The following UTP6 variants were observed in gnomAD, a reference collection of about 807,000 sequenced individuals.
The protein encoded by UTP6 is U3 small nucleolar RNA-associated protein 6 homolog.
A neutral mutation model predicts 96.5 loss-of-function variants in UTP6; 60 were observed. That is an observed-to-expected ratio of 0.62 (90% CI 0.51 to 0.77). The LOEUF is 0.77. Among genes scored for constraint, UTP6 ranks in the 30% least tolerant of loss-of-function variants. The probability of loss-of-function intolerance (pLI) is 0.00; values close to 1 mark genes in which losing one functional copy is unlikely to be tolerated. For synonymous variants in UTP6, 215 were observed against 240.1 expected (o/e 0.90, Z 0.96); for missense variants, 637 against 706.5 (o/e 0.90, Z 1.12).
rs139107049 is a variant in UTP6 at position 31,899,709 on chromosome 17, G to C, written c.114C>G (p.Ser38=). The change falls in exon 2 of 19, where the codon TCC becomes TCG. Residue 38 remains serine, a synonymous_variant. Transcript: ENST00000261708. ...AEIKAIIKKA[S]DLEYKIQRRT... The stretch of plus-strand genomic sequence containing the variant: ...TTCTCTGGATTTTGTACTCTAGATC[G>C]GAAGCCTTCTTAATGATAGCCCTGA... The C allele has an allele frequency of 3.4e-4, 536 of 1,598,036 alleles. 1 individual carries two copies. The highest frequency in any genetic ancestry group is 2.3e-5 in the Non-Finnish European group (27 of 1,172,008).
intron 1 of UTP6, among the ~76,000 whole-genome samples, chr17:31,900,108 C>T (rs1411069448): frequency 6.6e-6 from 1 of 151,976 alleles, no homozygotes; most frequent in Non-Finnish European, 1.5e-5. Flanking sequence ...CGCGCCACTG[C>T]CCTCTGGCCT....
At chr17:31,884,757 A>G (rs1443370495) in intron 9 of UTP6, 2 of 366,386 alleles carry the variant, frequency 5.5e-6, no homozygotes, top group African/African-American at 2.1e-5. Flanking sequence ...TAATTACTCC[A>G]TGAGAACTTA....
intron 2 of UTP6, among the ~76,000 whole-genome samples, 198 bp from the exon 3 acceptor site, chr17:31,895,209 C>G (rs891060865): frequency 6.6e-6 from 1 of 152,194 alleles, no homozygotes; most frequent in African/African-American, 2.4e-5. Context: ...AATTAACAAG[C>G]TTATAATTAC....
At chr17:31,899,589 C>T in intron 2 of UTP6, 57 bp downstream of exon 2, 1 of 1,338,448 alleles carries the variant, frequency 7.5e-7, no homozygotes, top group Non-Finnish European at 1.0e-6. Flanking sequence ...AGTGAGATGC[C>T]ATCTCACCAA....
chr17:31,873,980 G>GC (rs1173587382), intron 14 of UTP6: 10 of 473,486 alleles, frequency 2.1e-5, no homozygotes, highest in Non-Finnish European at 3.3e-5. Context: ...AATTCTCATT[G>GC]CCCAGCAGGA....
intron 6 of UTP6, among the ~76,000 whole-genome samples, chr17:31,891,834 C>T (rs1285137809): frequency 6.6e-6 from 1 of 152,126 alleles, no homozygotes; most frequent in African/African-American, 2.4e-5. Flanking sequence ...ACCAGCCTGA[C>T]CAACGTGGTA....
chr17:31,882,546 C>T (rs1235867464), intron 10 of UTP6, among the ~76,000 whole-genome samples: 1 of 152,198 alleles, frequency 6.6e-6, no homozygotes, highest in African/African-American at 2.4e-5. Flanking sequence ...ATCTCAATCT[C>T]TTGACCTCAA....
At chr17:31,878,632 A>G in intron 12 of UTP6, 70 bp downstream of exon 12, 1 of 1,422,904 alleles carries the variant, frequency 7.0e-7, no homozygotes. Context: ...ACACCAAAAG[A>G]TCTGTGCTTC....
rs572461469 is a variant in UTP6, at chr17:31,868,099, G to A, written c.1510C>T (p.Arg504Ter). ...CTGAAAAAGTCAACTGAAAATGGTCGGCTCTCCTGTAAACTAAAAAGGAAG... is the reference window on the plus strand; with the variant it reads ...CTGAAAAAGTCAACTGAAAATGGTCAGCTCTCCTGTAAACTAAAAAGGAAG... ...RAVFKSLQES[R>*]PFSVDFFRKM... The change falls in exon 17 of 19, where the codon CGA becomes TGA. Residue 504 changes from arginine to a stop codon, truncating the protein, a stop_gained. Transcript: ENST00000261708. LOFTEE classifies it high-confidence loss of function. 6.8e-6 allele frequency: 11 copies of A among 1,612,868 alleles called. No individual in the cohort carries two copies. The highest frequency in any genetic ancestry group is 4.0e-5 in the African/African-American group (3 of 74,922).
intron 16 of UTP6, among the ~76,000 whole-genome samples, chr17:31,870,543 A>T (rs1598096123): frequency 1.4e-5 from 2 of 142,020 alleles, no homozygotes; most frequent in Admixed American, 7.2e-5. Flanking sequence ...TTTTTTTGAG[A>T]CGGAGTCTTG....
Position 31,897,443 on chromosome 17 carries a change from C to CTTT in UTP6, c.177+2200_177+2202dup, listed in dbSNP as rs397857995. Among the ~76,000 whole-genome samples, 271 of 103,190 alleles carry CTTT rather than the reference C, an allele frequency of 2.6e-3. 4 individuals carry two copies. The highest frequency in any genetic ancestry group is 3.9e-3 in the African/African-American group (107 of 27,534). 67.7% of individuals were successfully genotyped at this position (103,190 alleles called of 152,430 possible). On this transcript the variant is annotated intron_variant, in intron 2 of 18. Coordinates refer to ENST00000261708, the MANE Select transcript of UTP6 (RefSeq NM_018428.3). ...TAAATCTAAGCTCAAAACTTCTAGT[C>CTTT]TTTTTTTTTTTTTTTTTTTTTGAGA...
At position 31,901,545 on chromosome 17, in the gene UTP6, G is replaced by C. The variant is rs542176758; in HGVS notation, c.83C>G (p.Ala28Gly). 4.5e-5 allele frequency: 72 copies of C among 1,613,716 alleles called. No individual in the cohort carries two copies. The Admixed American group carries it at 1.2e-3, about 27-fold the overall frequency. Residue 28 changes from alanine (A) to glycine (G), a missense_variant, in exon 1 of 19, where the codon GCG (alanine) becomes GGG (glycine). Transcript: ENST00000261708. ...CCCAACCCTCTCTCACTTAATCTCC[G>C]CATGACTGAACAGTCCAATGCGCTC... ...QLERIGLFSH[A>G]EIKAIIKKAS...
At chr17:31,901,415 G>A in intron 1 of UTP6, 121 bp downstream of exon 1, 2 of 880,258 alleles carry the variant, frequency 2.3e-6, no homozygotes, top group Non-Finnish European at 3.6e-6. Flanking sequence ...CGAGAAATGG[G>A]CTTCCACCAC....
At chr17:31,868,148 G>A (rs768208906) in intron 16 of UTP6, 36 bp from the exon 17 acceptor site, 4 of 1,588,086 alleles carry the variant, frequency 2.5e-6, no homozygotes, top group Non-Finnish European at 3.4e-6. Context: ...CTTCAACAAT[G>A]ACAAAAAGCC....
At chr17:31,872,180 G>A (rs1284666509) in intron 16 of UTP6, among the ~76,000 whole-genome samples, 1 of 151,160 alleles carries the variant, frequency 6.6e-6, no homozygotes, top group Admixed American at 6.6e-5. Flanking sequence ...GGGCAACACA[G>A]TGAGACTCCA....
rs1909571919 is a variant in UTP6, at chr17:31,861,886, T to C, written c.*1473A>G. The C allele has an allele frequency of 2.6e-5, 4 of 152,242 alleles. No homozygotes were observed. Among genetic ancestry groups the C allele is most frequent in the Non-Finnish European group, 4.4e-5 (3 of 68,032 alleles). The allele number at this position is 152,242 out of a possible 1,614,324, so 9.4% of individuals were successfully genotyped here. On this transcript the variant is annotated 3_prime_UTR_variant, in exon 19 of 19. Transcript: ENST00000261708. ...AGTATTCTCTAAAAGCAGTATCCTT[T>C]GATCCAGTAATTCCACTGTCGGATG...
chr17:31,868,161 T>C (rs766753490), intron 16 of UTP6, 49 bp from the exon 17 acceptor site: 6 of 1,551,882 alleles, frequency 3.9e-6, no homozygotes, highest in Non-Finnish European at 5.3e-6. Flanking sequence ...AAAAAGCCTC[T>C]TACATCTCAT....
At chr17:31,878,354 A>G (rs1364695514) in intron 12 of UTP6, 27 bp from the exon 13 acceptor site, 2 of 1,611,568 alleles carry the variant, frequency 1.2e-6, no homozygotes, top group South Asian at 2.2e-5. Context: ...CCCTCAGTTC[A>G]TTACAAAGAT....
rs765301995 is a variant in UTP6 at position 31,894,971 on chromosome 17, GTTC to G, written c.215_217del (p.Arg72del). 68 of 1,562,628 alleles carry G rather than the reference GTTC, an allele frequency of 4.4e-5. No individual in the cohort carries two copies. In the Middle Eastern group the frequency reaches 5.0e-4, roughly 12 times the overall value. ...ACTTCTAGAAAATCTTCTACTTACT[GTTC>G]TTCTTCTCTGGATCAGCTCCAAAAG... On this transcript the variant is annotated inframe_deletion and splice_region_variant, in exon 3 of 19. Coordinates refer to ENST00000261708, the MANE Select transcript of UTP6 (RefSeq NM_018428.3).
Sources: allele counts gnomAD v4.1 joint callset (sites outside exome capture counted in the v4.1 genomes callset), GRCh38; gene constraint gnomAD v4.1.1; transcripts MANE v1.5; gene names NCBI Gene and HGNC (gene_info 2026-07-23, HGNC 2026-07-21).